The following DNAJC2 variants were observed in gnomAD, a reference collection of about 807,000 sequenced individuals.
The protein encoded by DNAJC2 is DnaJ heat shock protein family (Hsp40) member C2.
Under a neutral mutation model 94.0 loss-of-function variants are expected in DNAJC2, and 32 were observed. The ratio of observed to expected loss-of-function variants is 0.34; its 90% CI spans 0.26 to 0.46. The LOEUF (loss-of-function observed/expected upper bound fraction) is 0.46, where lower values mean the gene tolerates loss of function less well. Ranked by LOEUF, DNAJC2 falls within the 20% of genes least tolerant of loss-of-function variation. The probability of loss-of-function intolerance (pLI) is 1.00; values close to 1 mark genes in which losing one functional copy is unlikely to be tolerated. For missense variants in DNAJC2, 550 were observed against 719.5 expected, an observed-to-expected ratio of 0.76 and a Z score of 2.69; for synonymous variants, 210 against 229.7, an observed-to-expected ratio of 0.91 and a Z score of 0.77.
chr7:103,315,710 A>G, intron 15 of DNAJC2, 54 bp downstream of exon 15: 3 of 1,226,320 alleles, frequency 2.4e-6, no homozygotes, highest in South Asian at 1.2e-5. Context: ...TTGTACGTCC[A>G]AGCAGCACAG....
intron 2 of DNAJC2, among the ~76,000 whole-genome samples, chr7:103,339,485 A>T (rs1047429368): frequency 3.3e-5 from 5 of 152,130 alleles, no homozygotes; most frequent in African/African-American, 1.2e-4. Flanking sequence ...TTACACTTTG[A>T]TCCTACTTCA....
chr7:103,327,332 A>G, intron 4 of DNAJC2: 1 of 1,286,570 alleles, frequency 7.8e-7, no homozygotes, highest in Non-Finnish European at 1.0e-6. Flanking sequence ...GAACACTTAC[A>G]TGAATTAACT....
At chr7:103,335,194 A>C (rs1819120951) in intron 3 of DNAJC2, 1 of 152,216 alleles carries the variant, frequency 6.6e-6, no homozygotes, top group Non-Finnish European at 1.5e-5. Context: ...ACAAAAATAA[A>C]ACTTTGCTTG....
intron 3 of DNAJC2, chr7:103,328,963 A>G (rs1339113412): frequency 7.9e-7 from 1 of 1,264,316 alleles, no homozygotes; most frequent in African/African-American, 1.5e-5. Flanking sequence ...TCATGAATGG[A>G]AATGGAACAA....
At chr7:103,328,956 T>C (rs1313260759) in intron 3 of DNAJC2, 27 of 1,248,288 alleles carry the variant, frequency 2.2e-5, no homozygotes, top group Middle Eastern at 2.2e-4. Flanking sequence ...GTGAACTTCA[T>C]GAATGGAAAT....
chr7:103,335,962 GT>G (rs1364436481), intron 3 of DNAJC2: 4 of 152,276 alleles, frequency 2.6e-5, no homozygotes, highest in Non-Finnish European at 5.9e-5. Flanking sequence ...GAGGTCGGGA[GT>G]TCGAGACCAG....
At chr7:103,344,538 C>T in intron 1 of DNAJC2, 21 bp downstream of exon 1, 1 of 1,613,656 alleles carries the variant, frequency 6.2e-7, no homozygotes, top group Non-Finnish European at 8.5e-7. Context: ...GAGAAGGAAC[C>T]GAGGTTGGGT....
At chr7:103,337,254 C>G (rs1387385287) in intron 3 of DNAJC2, 1 of 153,480 alleles carries the variant, frequency 6.5e-6, no homozygotes, top group African/African-American at 2.4e-5. Flanking sequence ...TACCCTCTCC[C>G]ATGCCAAATT....
Position 103,344,692 on chromosome 7 carries a change from C to G in DNAJC2, c.-70G>C. 1 of 1,507,744 alleles carries G rather than the reference C, an allele frequency of 6.6e-7. No homozygotes were observed. The highest frequency in any genetic ancestry group is 9.1e-7 in the Non-Finnish European group (1 of 1,098,612). The allele number at this position is 1,507,744 out of a possible 1,614,324, so 93.4% of individuals were successfully genotyped here. On this transcript the variant is annotated 5_prime_UTR_variant, in exon 1 of 17. Transcript: ENST00000379263. ...GGGCGGAGGGCGCTTAGGGTCCCCTCCAGCTCTACCTCTCACTCCGAGCCT... is the reference window on the plus strand; with the variant it reads ...GGGCGGAGGGCGCTTAGGGTCCCCTGCAGCTCTACCTCTCACTCCGAGCCT...
chr7:103,316,669 C>A (rs1270854107), intron 13 of DNAJC2, 161 bp downstream of exon 13: 1 of 625,090 alleles, frequency 1.6e-6, no homozygotes, highest in African/African-American at 1.8e-5. Flanking sequence ...ATGGGTAAGA[C>A]TGACAGCTTC....
At chr7:103,322,223 G>A (rs955621216) in intron 9 of DNAJC2, 142 bp from the exon 10 acceptor site, 22 of 645,508 alleles carry the variant, frequency 3.4e-5, no homozygotes, top group Non-Finnish European at 4.7e-5. Flanking sequence ...GGATGAACTC[G>A]GAAAGACAGC....
intron 3 of DNAJC2, among the ~76,000 whole-genome samples, chr7:103,334,110 C>G (rs942039079): frequency 2.0e-5 from 3 of 152,050 alleles, no homozygotes; most frequent in Non-Finnish European, 4.4e-5. Context: ...GCCACCACGC[C>G]CAGCTGATAT....
At chr7:103,328,218 G>A (rs1030036530) in intron 3 of DNAJC2, among the ~76,000 whole-genome samples, 2 of 151,864 alleles carry the variant, frequency 1.3e-5, no homozygotes, top group African/African-American at 2.4e-5. Context: ...CACTGAGCCC[G>A]GCTTGAAGTA....
chr7:103,328,571 C>T (rs934108237), intron 3 of DNAJC2, among the ~76,000 whole-genome samples: 2 of 152,068 alleles, frequency 1.3e-5, no homozygotes, highest in African/African-American at 4.8e-5. Context: ...GTGGAGGCTG[C>T]AGTGAGCTGA....
intron 10 of DNAJC2, 76 bp from the exon 11 acceptor site, chr7:103,319,920 A>G: frequency 6.7e-7 from 1 of 1,498,864 alleles, no homozygotes; most frequent in East Asian, 2.3e-5. Context: ...CTGTAATCCC[A>G]GCTACTCGGG....
intron 12 of DNAJC2, chr7:103,317,234 G>T: frequency 2.0e-6 from 1 of 502,170 alleles, no homozygotes; most frequent in South Asian, 3.3e-5. Context: ...CAGCCTGCCT[G>T]ATTTTCCCAG....
At position 103,344,547 on chromosome 7, in the gene DNAJC2, G is replaced by A. The variant is rs1476496418; in HGVS notation, c.64+12C>T. On this transcript the variant is annotated intron_variant, in intron 1 of 16. Coordinates refer to ENST00000379263, the MANE Select transcript of DNAJC2 (RefSeq NM_014377.3). ...TGAGGTGAGAAGGAACCGAGGTTGG[G>A]TGGGCACTTACCAGAGGTCAGAGCG... The A allele has an allele frequency of 6.2e-7, 1 of 1,613,726 alleles. No homozygotes were observed. The highest frequency in any genetic ancestry group is 8.5e-7 in the Non-Finnish European group (1 of 1,179,938).
At position 103,322,018 on chromosome 7, in the gene DNAJC2, G is replaced by C; in HGVS notation, c.997C>G (p.Gln333Glu). 1 of 1,613,606 alleles carries C rather than the reference G, an allele frequency of 6.2e-7. No individual in the cohort carries two copies. The highest frequency in any genetic ancestry group is 1.1e-5 in the South Asian group (1 of 91,064). Residue 333 changes from glutamine to glutamate, a missense_variant, in exon 10 of 17, where the codon CAG becomes GAG. Gln to Glu is a conservative substitution (Grantham distance 29, BLOSUM62 2). Around this residue, in one of 2 missense-constraint regions of DNAJC2, gnomAD observed 279 missense variants for 416.9 expected, o/e 0.67. Coordinates refer to ENST00000379263, the MANE Select transcript of DNAJC2 (RefSeq NM_014377.3). The stretch of plus-strand genomic sequence containing the variant: ...TCCTTCTTTGCCAGCAATGCTTGCT[G>C]TCTGACTTCCTCCTCTTCTTTCTCC... ...AKEKEEEEVR[Q>E]QALLAKKEKD...
rs918881499 is a variant in DNAJC2 at position 103,344,676 on chromosome 7, G to A, written c.-54C>T. On this transcript the variant is annotated 5_prime_UTR_variant, in exon 1 of 17. Coordinates refer to ENST00000379263, the MANE Select transcript of DNAJC2 (RefSeq NM_014377.3). ...CAGCGGCTCACGTCCCGGGCGGAGG[G>A]CGCTTAGGGTCCCCTCCAGCTCTAC... is the stretch of plus-strand genomic sequence containing the variant. The A allele has an allele frequency of 6.3e-7, 1 of 1,579,406 alleles. No individual in the cohort carries two copies. Among genetic ancestry groups the A allele is most frequent in the Non-Finnish European group, 8.6e-7 (1 of 1,161,934 alleles).
Sources: allele counts gnomAD v4.1 joint callset (sites outside exome capture counted in the v4.1 genomes callset), GRCh38; gene constraint gnomAD v4.1.1; regional missense constraint gnomAD v4.1.1; transcripts MANE v1.5; gene names NCBI Gene and HGNC (gene_info 2026-07-23, HGNC 2026-07-21).